Variants in NCKAP5 observed in about 807,000 individuals in gnomAD.
NCKAP5 encodes the protein nck-associated protein 5.
Under a neutral mutation model 167.0 loss-of-function variants are expected in NCKAP5, and 92 were observed. The observed-to-expected ratio is 0.55, with a 90% CI of 0.47 to 0.66. The LOEUF (loss-of-function observed/expected upper bound fraction) is 0.66. Ranked by LOEUF, NCKAP5 falls within the 30% of genes least tolerant of loss-of-function variation. The pLI is 0.00. For missense variants in NCKAP5, 2,378 were observed against 2,315.0 expected, an observed-to-expected ratio of 1.03 and a Z score of -0.56; for synonymous variants, 891 against 877.4, an observed-to-expected ratio of 1.02 and a Z score of -0.27.
the NCKAP5 span, among the ~76,000 whole-genome samples, chr2:133,651,067 G>A: frequency 6.6e-6 from 1 of 152,124 alleles, no homozygotes; most frequent in East Asian, 1.9e-4. Flanking sequence ...ACCTGAAACT[G>A]TAAAACTCCT....
chr2:133,226,407 C>T (rs751148528), intron 4 of NCKAP5, among the ~76,000 whole-genome samples: 3 of 152,056 alleles, frequency 2.0e-5, no homozygotes, highest in Non-Finnish European at 4.4e-5. Flanking sequence ...AAACAGATAA[C>T]ACACCTATGG....
intron 5 of NCKAP5, among the ~76,000 whole-genome samples, chr2:133,169,638 G>A (rs1462030382): frequency 6.6e-6 from 1 of 152,166 alleles, no homozygotes; most frequent in Non-Finnish European, 1.5e-5. Context: ...ATGCTTTTAC[G>A]TTAAAGTGGC....
At chr2:133,449,825 C>T (rs1691431595) in intron 3 of NCKAP5, among the ~76,000 whole-genome samples, 1 of 151,810 alleles carries the variant, frequency 6.6e-6, no homozygotes, top group African/African-American at 2.4e-5. Flanking sequence ...CTCACAGTTT[C>T]CAGCTTTTTT....
At position 132,756,480 on chromosome 2, in the gene NCKAP5, ACT is replaced by A. The variant is rs1272219772; in HGVS notation, c.5128+17334_5128+17335del. ...ATGAAGCATTTTGACAGAACCCAAA[ACT>A]ATGCTTTTGATTCCTCCCTGCCCCA... On this transcript the variant is annotated intron_variant, in intron 16 of 19. Transcript: ENST00000409261. Among the ~76,000 whole-genome samples the A allele has an allele frequency of 1.1e-4, 17 of 152,166 alleles. No individual in the cohort carries two copies. In the East Asian group the frequency reaches 3.3e-3, roughly 29 times the overall value.
At chr2:133,271,751 T>G (rs1451918337) in intron 4 of NCKAP5, among the ~76,000 whole-genome samples, 2 of 152,250 alleles carry the variant, frequency 1.3e-5, no homozygotes, top group East Asian at 3.9e-4. Context: ...TTAGAGAAAT[T>G]CAAATAAGAC....
rs560626760 is a variant in NCKAP5 at position 132,932,010 on chromosome 2, G to A, written c.579+31710C>T. Among the ~76,000 whole-genome samples the A allele has an allele frequency of 2.2e-4, 33 of 152,290 alleles. 1 individual carries two copies. The South Asian group carries it at 6.0e-3, about 28-fold the overall frequency. ...CACCGTACAGGAAAAACTTTATGGA[G>A]TTACTGACCTACAGGATTCTTAACA... is the stretch of plus-strand genomic sequence containing the variant. On this transcript the variant is annotated intron_variant, in intron 8 of 19. Transcript: ENST00000409261.
intron 3 of NCKAP5, among the ~76,000 whole-genome samples, chr2:133,333,298 C>T (rs1682990259): frequency 6.6e-6 from 1 of 152,010 alleles, no homozygotes; most frequent in African/African-American, 2.4e-5. Context: ...TAGATAAATC[C>T]CAGGTCCTGA....
chr2:133,501,858 T>C lies in NCKAP5; in HGVS notation c.69+15600A>G, dbSNP rs1682547874. ...ATTTTTCATGAATTCTCTCAAATAATTGGTTTCAAGAAATAGCACTACACA... is the reference window on the plus strand; with the variant it reads ...ATTTTTCATGAATTCTCTCAAATAACTGGTTTCAAGAAATAGCACTACACA... On this transcript the variant is annotated intron_variant, in intron 3 of 19. Transcript: ENST00000409261. Among the ~76,000 whole-genome samples the C allele has an allele frequency of 5.9e-5, 9 of 152,324 alleles. No individual in the cohort carries two copies. The South Asian group carries it at 1.9e-3, about 32-fold the overall frequency.
At chr2:133,166,009 A>G (rs2083986389) in intron 5 of NCKAP5, among the ~76,000 whole-genome samples, 1 of 152,174 alleles carries the variant, frequency 6.6e-6, no homozygotes, top group African/African-American at 2.4e-5. Flanking sequence ...GATGAAAAGT[A>G]TGTGGTCTTT....
At chr2:133,614,667 G>T in the NCKAP5 span, among the ~76,000 whole-genome samples, 3 of 152,278 alleles carry the variant, frequency 2.0e-5, no homozygotes, top group South Asian at 2.1e-4. Flanking sequence ...CCAAATCTAC[G>T]TCTGATTGGT....
chr2:133,646,953 C>G, the NCKAP5 span, among the ~76,000 whole-genome samples: 1 of 151,168 alleles, frequency 6.6e-6, no homozygotes, highest in Admixed American at 6.6e-5. Flanking sequence ...CCCAAGGTAA[C>G]CGCAAAAAAA....
chr2:132,884,983 A>G (rs1262958872), intron 8 of NCKAP5, among the ~76,000 whole-genome samples: 1 of 152,192 alleles, frequency 6.6e-6, no homozygotes, highest in African/African-American at 2.4e-5. Context: ...AAATACCTAA[A>G]GGGTGCTGGT....
At chr2:133,511,176 G>A (rs1458368464) in intron 3 of NCKAP5, among the ~76,000 whole-genome samples, 2 of 152,152 alleles carry the variant, frequency 1.3e-5, no homozygotes, top group East Asian at 3.9e-4. Flanking sequence ...CCTCCATTCA[G>A]ACTGTCCCCA....
At chr2:133,081,474 G>T (rs1480603474) in intron 6 of NCKAP5, among the ~76,000 whole-genome samples, 1 of 152,096 alleles carries the variant, frequency 6.6e-6, no homozygotes, top group African/African-American at 2.4e-5. Context: ...TACAGTATCT[G>T]CTTATTTTCT....
chr2:133,313,291 T>G (rs1007092298), intron 3 of NCKAP5, among the ~76,000 whole-genome samples: 1 of 152,192 alleles, frequency 6.6e-6, no homozygotes, highest in African/African-American at 2.4e-5. Flanking sequence ...CTGTGTAAGT[T>G]TGGCTTTGGT....
chr2:132,823,737 A>C (rs1431570405), intron 11 of NCKAP5, among the ~76,000 whole-genome samples: 1 of 152,190 alleles, frequency 6.6e-6, no homozygotes, highest in Non-Finnish European at 1.5e-5. Context: ...AATAGCCTAA[A>C]TGCTCTACTT....
chr2:133,544,520 C>T (rs1192734921), intron 2 of NCKAP5, among the ~76,000 whole-genome samples: 1 of 152,164 alleles, frequency 6.6e-6, no homozygotes, highest in Non-Finnish European at 1.5e-5. Flanking sequence ...TGTCAAGATA[C>T]CAATAGCTCT....
At chr2:133,528,028 G>A (rs1685065131) in intron 2 of NCKAP5, among the ~76,000 whole-genome samples, 1 of 152,106 alleles carries the variant, frequency 6.6e-6, no homozygotes, top group Non-Finnish European at 1.5e-5. Context: ...TAATGCCAGT[G>A]CACTCCAGCC....
intron 2 of NCKAP5, among the ~76,000 whole-genome samples, chr2:133,556,585 C>G (rs1322032020): frequency 6.6e-6 from 1 of 152,022 alleles, no homozygotes; most frequent in Non-Finnish European, 1.5e-5. Flanking sequence ...TACTCATCTT[C>G]CCTTCTCTTC....
Sources: gnomAD v4.1 joint callset for allele counts (sites outside exome capture counted in the v4.1 genomes callset) on GRCh38, gnomAD v4.1.1 for gene constraint, MANE v1.5 for transcripts, NCBI Gene and HGNC (gene_info 2026-07-23, HGNC 2026-07-21) for gene names.